Variants in NANS observed in about 807,000 individuals in gnomAD.
NANS encodes N-acetylneuraminate-9-phosphate synthase.
A neutral mutation model predicts 33.3 loss-of-function variants in NANS; 29 were observed. The ratio of observed to expected loss-of-function variants is 0.87; its 90% CI spans 0.65 to 1.19. The LOEUF (loss-of-function observed/expected upper bound fraction) is 1.19, where lower values mean the gene tolerates loss of function less well. NANS is among the 50% of genes most tolerant of loss of function. The pLI is 0.00. For missense variants in NANS, 394 were observed against 461.1 expected, an observed-to-expected ratio of 0.85 and a Z score of 1.33; for synonymous variants, 163 against 177.2, an observed-to-expected ratio of 0.92 and a Z score of 0.64.
At chr9:98,068,211 T>C (rs1829205751) in intron 2 of NANS, among the ~76,000 whole-genome samples, 1 of 152,312 alleles carries the variant, frequency 6.6e-6, no homozygotes, top group East Asian at 1.9e-4. Context: ...CTCAGCTCAC[T>C]ACAACCTCCA....
chr9:98,071,092 G>A (rs1459774801), intron 2 of NANS, among the ~76,000 whole-genome samples: 1 of 152,200 alleles, frequency 6.6e-6, no homozygotes, highest in Non-Finnish European at 1.5e-5. Context: ...GATTACAGGT[G>A]TGAGCCACTG....
intron 2 of NANS, chr9:98,074,866 A>G (rs1327484378): frequency 6.6e-6 from 1 of 152,060 alleles, no homozygotes; most frequent in Non-Finnish European, 1.5e-5. Flanking sequence ...AACAGAAAGC[A>G]CTCTCTTCAT....
chr9:98,082,945 C>G lies in NANS; in HGVS notation c.970C>G (p.Pro324Ala), dbSNP rs763824205. 22 of 1,613,980 alleles carry G rather than the reference C, an allele frequency of 1.4e-5. No homozygotes were observed. The highest frequency in any genetic ancestry group is 1.8e-5 in the Non-Finnish European group (21 of 1,180,020). ...VKVGEPKGYP[P>A]EDIFNLVGKK... ...GGTGGGTGAGCCCAAAGGCTATCCT[C>G]CTGAAGACATCTTTAATCTAGTGGG... Residue 324 changes from proline (P) to alanine (A), a missense_variant, in exon 6 of 6, where the codon CCT becomes GCT. Coordinates refer to ENST00000210444, the MANE Select transcript of NANS (RefSeq NM_018946.4).
At chr9:98,067,671 T>C (rs900927259) in intron 2 of NANS, among the ~76,000 whole-genome samples, 18 of 152,212 alleles carry the variant, frequency 1.2e-4, no homozygotes, top group Non-Finnish European at 1.3e-4. Context: ...AGTCCTTTAG[T>C]AGATAAATGA....
chr9:98,078,148 C>T (rs1404549690), intron 3 of NANS, 45 bp from the exon 4 acceptor site: 1 of 1,613,044 alleles, frequency 6.2e-7, no homozygotes, highest in Non-Finnish European at 8.5e-7. Flanking sequence ...AGAGTCAGAA[C>T]CTCTAAAGAG....
chr9:98,057,902 GTTTTTTTTTTTTTTTCCTGGT>G (rs1828872941), intron 1 of NANS, among the ~76,000 whole-genome samples: 1 of 93,230 alleles, frequency 1.1e-5, no homozygotes. Flanking sequence ...TTCTCTTACT[GTTTTTTTTTTTTTTTCCTGGT>G]TTTTTTTTTT....
chr9:98,063,068 G>C (rs1364132931), intron 2 of NANS, among the ~76,000 whole-genome samples: 1 of 150,622 alleles, frequency 6.6e-6, no homozygotes, highest in Non-Finnish European at 1.5e-5. Flanking sequence ...TCCCAAGTAT[G>C]CATGCACCAC....
At chr9:98,068,440 T>A (rs1217636359) in intron 2 of NANS, among the ~76,000 whole-genome samples, 1 of 151,942 alleles carries the variant, frequency 6.6e-6, no homozygotes, top group Non-Finnish European at 1.5e-5. Context: ...CACCAGCCAT[T>A]TTTAGCTTTT....
At chr9:98,078,499 G>A in intron 4 of NANS, 152 bp downstream of exon 4, 1 of 1,114,708 alleles carries the variant, frequency 9.0e-7, no homozygotes, top group Non-Finnish European at 1.3e-6. Flanking sequence ...TTCGAGCTAA[G>A]CAGTTGAGGA....
intron 4 of NANS, among the ~76,000 whole-genome samples, chr9:98,080,291 CCCTCA>C (rs1829796230): frequency 6.6e-6 from 1 of 152,200 alleles, no homozygotes; most frequent in Non-Finnish European, 1.5e-5. Context: ...TTTCTGGTCA[CCCTCA>C]CCAACAAGAC....
chr9:98,062,590 T>G (rs1277774496), intron 2 of NANS, among the ~76,000 whole-genome samples: 2 of 152,178 alleles, frequency 1.3e-5, no homozygotes, highest in Non-Finnish European at 2.9e-5. Flanking sequence ...TATTCTTGTT[T>G]TATTGCCTGC....
chr9:98,075,409 G>A (rs1272033862), intron 2 of NANS: 1 of 149,762 alleles, frequency 6.7e-6, no homozygotes, highest in Admixed American at 6.7e-5. Context: ...GAGGGAGGAA[G>A]GAAAGGGAGA....
chr9:98,061,095 T>C, intron 2 of NANS, 98 bp downstream of exon 2: 1 of 1,161,870 alleles, frequency 8.6e-7, no homozygotes, highest in Non-Finnish European at 1.3e-6. Flanking sequence ...CAGCCCTTGC[T>C]CATCCTTTCT....
rs747568190 is a variant in NANS at position 98,078,199 on chromosome 9, C to T, written c.455C>T (p.Pro152Leu). The T allele has an allele frequency of 2.5e-6, 4 of 1,614,186 alleles. No individual in the cohort carries two copies. The South Asian group carries it at 4.4e-5, about 18-fold the overall frequency. ...TTGGTGCTGGATTACTCAGGTCGCCCAATGGTGATCTCCAGTGGGATGCAG... is the reference window on the plus strand; with the variant it reads ...TTGGTGCTGGATTACTCAGGTCGCCTAATGGTGATCTCCAGTGGGATGCAG... ...YLEKTAKKGRPMVISSGMQSM... is the reference protein window; with the variant it reads ...YLEKTAKKGRLMVISSGMQSM... Residue 152 changes from proline (P) to leucine (L), a missense_variant, in exon 4 of 6, where the codon CCA becomes CTA. By Grantham distance (98) the Pro-to-Leu change is moderately conservative. Transcript: ENST00000210444.
At chr9:98,070,222 G>A (rs575348793) in intron 2 of NANS, among the ~76,000 whole-genome samples, 295 of 152,230 alleles carry the variant, frequency 1.9e-3, no homozygotes, top group African/African-American at 6.8e-3. Context: ...GGTTCAAGCA[G>A]TTCTCCTGCT....
intron 2 of NANS, among the ~76,000 whole-genome samples, chr9:98,073,892 T>C (rs960678362): frequency 6.6e-6 from 1 of 152,064 alleles, no homozygotes; most frequent in East Asian, 1.9e-4. Flanking sequence ...GTTCAAGCAA[T>C]CCTCCCACTT....
At chr9:98,076,028 A>G (rs1312403236) in intron 2 of NANS, 1 of 152,042 alleles carries the variant, frequency 6.6e-6, no homozygotes, top group Admixed American at 6.6e-5. Flanking sequence ...TAAATAGGTA[A>G]CCTCAAGCAG....
At chr9:98,081,209 C>A in intron 5 of NANS, 127 bp downstream of exon 5, 1 of 1,283,526 alleles carries the variant, frequency 7.8e-7, no homozygotes, top group Non-Finnish European at 1.1e-6. Context: ...GAATGTGCTC[C>A]CACCCGTGTC....
chr9:98,078,174 TTGG>T lies in NANS; in HGVS notation c.449-16_449-14del. The T allele has an allele frequency of 6.2e-6, 10 of 1,614,150 alleles. No individual in the cohort carries two copies. Among genetic ancestry groups the T allele is most frequent in the Non-Finnish European group, 8.5e-6 (10 of 1,180,010 alleles). ...CTCTAAAGAGAAAGTGCTGATGGTG[TTGG>T]TGCTGGATTACTCAGGTCGCCCAAT... On this transcript the variant is annotated splice_polypyrimidine_tract_variant and intron_variant, in intron 3 of 5. Coordinates refer to ENST00000210444, the MANE Select transcript of NANS (RefSeq NM_018946.4).
Sources: allele counts gnomAD v4.1 joint callset (sites outside exome capture counted in the v4.1 genomes callset), GRCh38; gene constraint gnomAD v4.1.1; transcripts MANE v1.5; gene names NCBI Gene and HGNC (gene_info 2026-07-23, HGNC 2026-07-21).